The following GALNT15 variants were observed in gnomAD, a reference collection of about 807,000 sequenced individuals.
GALNT15 encodes the protein polypeptide N-acetylgalactosaminyltransferase 15.
GALNT15 carries 67 observed loss-of-function variants against 66.8 expected under a neutral mutation model. That is an observed-to-expected ratio of 1.00 (90% CI 0.82 to 1.23). The LOEUF is 1.23. Ranked by LOEUF, GALNT15 falls within the 50% of genes most tolerant of loss-of-function variation. The pLI, the probability that GALNT15 is intolerant of heterozygous loss-of-function variation, is 0.00. For synonymous variants in GALNT15, 313 were observed against 311.5 expected, an observed-to-expected ratio of 1.00 and a Z score of -0.05; for missense variants, 827 against 804.3, an observed-to-expected ratio of 1.03 and a Z score of -0.34.
rs1364239391 is a variant in GALNT15, at chr3:16,200,715, T to C, written c.803T>C (p.Met268Thr). ...AGGCTGGGTGCCATCAGGGCCCGGA[T>C]GCTGGGGGCCACCAGAGCCACCGGG... The part of the protein sequence containing the change: ...NKRLGAIRAR[M>T]LGATRATGDV... Residue 268 changes from methionine to threonine, a missense_variant, in exon 3 of 10, where the codon ATG becomes ACG. By Grantham distance (81) the Met-to-Thr change is moderately conservative. Transcript: ENST00000339732. This position sits in a 1 kb window ranked among gnomAD's most constrained non-coding sequence, Gnocchi z 4.4. 2.5e-6 allele frequency: 4 copies of C among 1,611,692 alleles called. No individual in the cohort carries two copies. Among genetic ancestry groups the C allele is most frequent in the Admixed American group, 1.7e-5 (1 of 59,728 alleles).
rs1048560122 is a variant in GALNT15 at position 16,176,889 on chromosome 3, G to A, written c.539+1199G>A. On this transcript the variant is annotated intron_variant, in intron 1 of 9. Transcript: ENST00000339732. This position sits in a 1 kb window ranked among gnomAD's most constrained non-coding sequence, Gnocchi z 5.6. Reference sequence around the variant, plus strand: ...GTGCAATTGCAGGGTCAGCAGCCGGGAGTGAACATCTCCTTAAATTGTGTG... The same window carrying A: ...GTGCAATTGCAGGGTCAGCAGCCGGAAGTGAACATCTCCTTAAATTGTGTG... Among the ~76,000 whole-genome samples, 7 of 152,126 alleles carry A rather than the reference G, an allele frequency of 4.6e-5. No individual in the cohort carries two copies. The highest frequency in any genetic ancestry group is 8.8e-5 in the Non-Finnish European group (6 of 68,022).
At chr3:16,179,075 T>C (rs1418894653) in intron 1 of GALNT15, among the ~76,000 whole-genome samples, 1 of 152,044 alleles carries the variant, frequency 6.6e-6, no homozygotes, top group Non-Finnish European at 1.5e-5. Flanking sequence ...AAATTACCAA[T>C]GATGCAAGAG....
intron 1 of GALNT15, among the ~76,000 whole-genome samples, chr3:16,178,002 G>A (rs764306760): frequency 1.1e-4 from 16 of 152,228 alleles, no homozygotes; most frequent in African/African-American, 2.4e-4. Flanking sequence ...TGTGTATTGC[G>A]TATCTTGTGC....
chr3:16,229,077 A>G lies in GALNT15; in HGVS notation c.*1577A>G. 1.1e-5 allele frequency: 11 copies of G among 985,454 alleles called. No homozygotes were observed. The highest frequency in any genetic ancestry group is 1.3e-5 in the Non-Finnish European group (11 of 829,928). The allele number at this position is 985,454 out of a possible 1,614,324, so 61.0% of individuals were successfully genotyped here. On this transcript the variant is annotated 3_prime_UTR_variant, in exon 10 of 10. Transcript: ENST00000339732. ...GAGTTACCTACCTTTCCACATGGTCAGCTTAGAAATCTTCCCCTAAAGATG... is the reference window on the plus strand; with the variant it reads ...GAGTTACCTACCTTTCCACATGGTCGGCTTAGAAATCTTCCCCTAAAGATG...
At chr3:16,217,105 A>G (rs2063887661) in intron 6 of GALNT15, among the ~76,000 whole-genome samples, 1 of 152,202 alleles carries the variant, frequency 6.6e-6, no homozygotes, top group Non-Finnish European at 1.5e-5. Context: ...CTTAGAAGCT[A>G]TTGACCCTGT....
At position 16,180,884 on chromosome 3, in the gene GALNT15, G is replaced by A. The variant is rs2063463117; in HGVS notation, c.539+5194G>A. On this transcript the variant is annotated intron_variant, in intron 1 of 9. Coordinates refer to ENST00000339732, the MANE Select transcript of GALNT15 (RefSeq NM_054110.5). This position sits in a 1 kb window ranked among gnomAD's most constrained non-coding sequence, Gnocchi z 5.0. ...TGTGATTAAACAGTTGTGGACCTGTGGTTGAATCCTGGTACCACCTGTTAC... is the reference window on the plus strand; with the variant it reads ...TGTGATTAAACAGTTGTGGACCTGTAGTTGAATCCTGGTACCACCTGTTAC... Among the ~76,000 whole-genome samples, 1 of 152,206 alleles carries A rather than the reference G, an allele frequency of 6.6e-6. No individual in the cohort carries two copies. Among genetic ancestry groups the A allele is most frequent in the Non-Finnish European group, 1.5e-5 (1 of 68,046 alleles).
the GALNT15 span, among the ~76,000 whole-genome samples, chr3:16,237,436 AG>A: frequency 6.6e-6 from 1 of 152,210 alleles, no homozygotes; most frequent in Non-Finnish European, 1.5e-5. The surrounding 1 kb of genome is among the most constrained non-coding windows in gnomAD (Gnocchi z 4.2). Context: ...AAATGGCCTG[AG>A]GCACCTCACC....
chr3:16,188,285 G>T lies in GALNT15; in HGVS notation c.540-7475G>T, dbSNP rs1251908512. On this transcript the variant is annotated intron_variant, in intron 1 of 9. Transcript: ENST00000339732. This position sits in a 1 kb window ranked among gnomAD's most constrained non-coding sequence, Gnocchi z 4.6. Reference sequence around the variant, plus strand: ...GGAAGTGAGAAGTTACAGGAACTCAGTTGGCACAAAATGGCAGCCATAGGT... The same window carrying T: ...GGAAGTGAGAAGTTACAGGAACTCATTTGGCACAAAATGGCAGCCATAGGT... Among the ~76,000 whole-genome samples the T allele has an allele frequency of 6.6e-6, 1 of 152,248 alleles. No homozygotes were observed. The highest frequency in any genetic ancestry group is 1.9e-4 in the East Asian group (1 of 5,204).
In GALNT15 at chr3:16,180,850, A is replaced by C. The variant is rs1004978118; in HGVS notation, c.539+5160A>C. Reference sequence around the variant, plus strand: ...CAGCCTGTGTTTCCCTGGTTTATGTACCCATAGCTGTGATTAAACAGTTGT... The same window carrying C: ...CAGCCTGTGTTTCCCTGGTTTATGTCCCCATAGCTGTGATTAAACAGTTGT... On this transcript the variant is annotated intron_variant, in intron 1 of 9. Transcript: ENST00000339732. This position sits in a 1 kb window ranked among gnomAD's most constrained non-coding sequence, Gnocchi z 5.0. Among the ~76,000 whole-genome samples the C allele has an allele frequency of 6.6e-6, 1 of 152,108 alleles. No individual in the cohort carries two copies. The highest frequency in any genetic ancestry group is 2.4e-5 in the African/African-American group (1 of 41,406).
In GALNT15 at chr3:16,176,108, C is replaced by T. The variant is rs1180757019; in HGVS notation, c.539+418C>T. The stretch of plus-strand genomic sequence containing the variant: ...GCAGACATTTGCCAGTTCTAACACT[C>T]TGACTCCACTACATTTTGATTTTAG... On this transcript the variant is annotated intron_variant, in intron 1 of 9. Transcript: ENST00000339732. The surrounding 1 kb of genome is among the most constrained non-coding windows in gnomAD (Gnocchi z 5.6). 6.6e-6 allele frequency among the ~76,000 whole-genome samples: 1 copy of T among 152,216 alleles called. No individual in the cohort carries two copies. Among genetic ancestry groups the T allele is most frequent in the Non-Finnish European group, 1.5e-5 (1 of 68,038 alleles).
chr3:16,231,911 A>G, downstream of GALNT15: 3 of 1,535,334 alleles, frequency 2.0e-6, no homozygotes, highest in Non-Finnish European at 2.6e-6. The surrounding 1 kb of genome is among the most constrained non-coding windows in gnomAD (Gnocchi z 4.1). Flanking sequence ...TCAAGAAGGC[A>G]CTGCCGATCA....
chr3:16,200,746 G>A lies in GALNT15; in HGVS notation c.834G>A (p.Val278=), dbSNP rs758577456. ...GGGCCACCAGAGCCACCGGGGATGTGCTCGTCTTCATGGATGCCCACTGCG... is the reference window on the plus strand; with the variant it reads ...GGGCCACCAGAGCCACCGGGGATGTACTCGTCTTCATGGATGCCCACTGCG... ...MLGATRATGD[V]LVFMDAHCEC... Residue 278 remains valine, a synonymous_variant, in exon 3 of 10, where the codon GTG becomes GTA. Transcript: ENST00000339732. This position sits in a 1 kb window ranked among gnomAD's most constrained non-coding sequence, Gnocchi z 4.4. The A allele has an allele frequency of 6.2e-7, 1 of 1,612,970 alleles. No individual in the cohort carries two copies. Among genetic ancestry groups the A allele is most frequent in the Non-Finnish European group, 8.5e-7 (1 of 1,179,558 alleles).
chr3:16,212,623 A>G lies in GALNT15; in HGVS notation c.1252A>G (p.Ile418Val). 6.2e-7 allele frequency: 1 copy of G among 1,613,850 alleles called. No individual in the cohort carries two copies. The highest frequency in any genetic ancestry group is 8.5e-7 in the Non-Finnish European group (1 of 1,179,948). Residue 418 changes from isoleucine to valine, a missense_variant, in exon 6 of 10, where the codon ATC (isoleucine) becomes GTC (valine). Physicochemically the swap from Ile to Val is conservative, Grantham distance 29 (BLOSUM62 3). Transcript: ENST00000339732. ...EILPCSRVGH[I>V]YQNQDSHSPL... Reference sequence around the variant, plus strand: ...CCTTCCCTGCTCTCGGGTAGGACACATCTACCAAAATCAGGATTCCCATTC... The same window carrying G: ...CCTTCCCTGCTCTCGGGTAGGACACGTCTACCAAAATCAGGATTCCCATTC...
chr3:16,244,443 A>G, the GALNT15 span, among the ~76,000 whole-genome samples: 11,318 of 152,266 alleles, frequency 0.074, 657 homozygotes, highest in African/African-American at 0.17. Flanking sequence ...AGGATTCTGA[A>G]CTTAGAGAGC....
At chr3:16,233,513 G>GTT (rs1194724012), downstream of GALNT15, among the ~76,000 whole-genome samples, 12 of 152,092 alleles carry the variant, frequency 7.9e-5, no homozygotes, top group Non-Finnish European at 1.8e-4. Flanking sequence ...GACCAGGGAA[G>GTT]TTTTTTAACC....
rs370352023 is a variant in GALNT15 at position 16,209,783 on chromosome 3, C to T, written c.1079+1113C>T. Among the ~76,000 whole-genome samples, 7 of 152,330 alleles carry T rather than the reference C, an allele frequency of 4.6e-5. No homozygotes were observed. In the East Asian group the frequency reaches 1.3e-3, roughly 29 times the overall value. On this transcript the variant is annotated intron_variant, in intron 4 of 9. Coordinates refer to ENST00000339732, the MANE Select transcript of GALNT15 (RefSeq NM_054110.5). The surrounding 1 kb of genome is among the most constrained non-coding windows in gnomAD (Gnocchi z 4.1). ...GTTGCAATGAGCTGAGACCACACTA[C>T]TGCACTCTAGCCTGGGTGACAGAGC...
In GALNT15 at chr3:16,229,205, C is replaced by G. The variant is rs1559697134; in HGVS notation, c.*1705C>G. The G allele has an allele frequency of 2.0e-6, 2 of 985,194 alleles. No homozygotes were observed. Among genetic ancestry groups the G allele is most frequent in the African/African-American group, 3.5e-5 (2 of 57,244 alleles). 61.0% of individuals were successfully genotyped at this position (985,194 alleles called of 1,614,324 possible). A position where few individuals can be genotyped will look rare whatever the true frequency, so the allele number is the denominator to read the frequency against. On this transcript the variant is annotated 3_prime_UTR_variant, in exon 10 of 10. Transcript: ENST00000339732. ...ACAATACCTATCATAACTACGTATT[C>G]ATTGTCTACCTGCTAAGTCAAGGGT...
chr3:16,199,881 C>T (rs752788910), intron 2 of GALNT15, among the ~76,000 whole-genome samples: 4 of 152,216 alleles, frequency 2.6e-5, no homozygotes, highest in Admixed American at 2.6e-4. Flanking sequence ...TTAGCACCCA[C>T]AGCAGCTGGG....
Position 16,187,290 on chromosome 3 carries a change from A to G in GALNT15, c.540-8470A>G, listed in dbSNP as rs757675019. Among the ~76,000 whole-genome samples the G allele has an allele frequency of 6.6e-6, 1 of 152,146 alleles. No homozygotes were observed. Among genetic ancestry groups the G allele is most frequent in the East Asian group, 1.9e-4 (1 of 5,186 alleles). ...AAAAAAAAATTAGTGATTTCAAACA[A>G]TAACCATTTCTATGTTATGGTTCTA... is the stretch of plus-strand genomic sequence containing the variant. On this transcript the variant is annotated intron_variant, in intron 1 of 9. Transcript: ENST00000339732. The surrounding 1 kb of genome is among the most constrained non-coding windows in gnomAD (Gnocchi z 5.1).
Sources: allele counts gnomAD v4.1 joint callset (sites outside exome capture counted in the v4.1 genomes callset), GRCh38; gene constraint gnomAD v4.1.1; non-coding constraint Gnocchi (gnomAD v3.1); transcripts MANE v1.5; gene names NCBI Gene and HGNC (gene_info 2026-07-23, HGNC 2026-07-21).